Variants in MPP7 observed in about 807,000 individuals in gnomAD.
The protein encoded by MPP7 is MAGUK p55 subfamily member 7.
Under a neutral mutation model 76.5 loss-of-function variants are expected in MPP7, and 60 were observed. The observed-to-expected ratio is 0.78, with a 90% CI of 0.64 to 0.97. MPP7 has a LOEUF of 0.97. MPP7 is among the 50% of genes least tolerant of loss of function. The pLI is 0.00. For synonymous variants in MPP7, 237 were observed against 244.5 expected (o/e 0.97, Z 0.29); for missense variants, 641 against 694.0 (o/e 0.92, Z 0.86).
At chr10:28,262,224 TAC>T (rs1309335222) in intron 1 of MPP7, among the ~76,000 whole-genome samples, 2,018 of 26,188 alleles carry the variant, frequency 0.077, 302 homozygotes, top group East Asian at 0.23. Context: ...TATATATATA[TAC>T]ATATATATAT....
intron 2 of MPP7, among the ~76,000 whole-genome samples, chr10:28,310,639 C>A (rs991172808): frequency 1.3e-5 from 2 of 152,208 alleles, no homozygotes; most frequent in East Asian, 3.9e-4. Context: ...CCTGAAGAGC[C>A]TTTTCAAATT....
At chr10:28,284,104 C>A (rs1031748076) in intron 1 of MPP7, among the ~76,000 whole-genome samples, 2 of 152,110 alleles carry the variant, frequency 1.3e-5, no homozygotes, top group African/African-American at 4.8e-5. Flanking sequence ...CTGAAAACAA[C>A]TGAACAGATC....
intron 13 of MPP7, among the ~76,000 whole-genome samples, chr10:28,063,495 C>T (rs891062512): frequency 1.5e-4 from 23 of 151,490 alleles, no homozygotes; most frequent in Non-Finnish European, 2.7e-4. Context: ...GATTTGAACA[C>T]GCACTTTACC....
intron 2 of MPP7, among the ~76,000 whole-genome samples, chr10:28,220,741 G>C (rs1369143935): frequency 1.3e-5 from 2 of 152,174 alleles, no homozygotes; most frequent in African/African-American, 4.8e-5. Context: ...GTAGTAGAAA[G>C]AGAGGTAGGC....
intron 1 of MPP7, among the ~76,000 whole-genome samples, chr10:28,273,251 G>A (rs1840385352): frequency 6.6e-6 from 1 of 152,240 alleles, no homozygotes; most frequent in South Asian, 2.1e-4. Context: ...AACAGTATTA[G>A]CCAGTATTAA....
At chr10:28,298,708 A>G (rs1841086376) in intron 1 of MPP7, among the ~76,000 whole-genome samples, 2 of 152,220 alleles carry the variant, frequency 1.3e-5, no homozygotes, top group Admixed American at 1.3e-4. Context: ...CCTTCTAGCT[A>G]AGAAAGTCCG....
At position 28,281,121 on chromosome 10, in the gene MPP7, C is replaced by T. The variant is rs187336377; in HGVS notation, c.-132+21740G>A. On this transcript the variant is annotated intron_variant, in intron 1 of 16. Coordinates refer to ENST00000683449, the MANE Select transcript of MPP7 (RefSeq NM_001318170.2). ...TTGAGACAGGGTCTCACTCTGTCAC[C>T]GGGGCTGGAATGCAGTGGTGCAATC... 4.6e-5 allele frequency among the ~76,000 whole-genome samples: 7 copies of T among 151,760 alleles called. No individual in the cohort carries two copies. In the East Asian group the frequency reaches 1.2e-3, roughly 25 times the overall value.
chr10:28,075,571 G>A (rs7091598), intron 12 of MPP7, among the ~76,000 whole-genome samples: 2,270 of 152,104 alleles, frequency 0.015, 57 homozygotes, highest in African/African-American at 0.051. Flanking sequence ...ACGCTGCAGC[G>A]CCATGAAATT....
intron 1 of MPP7, among the ~76,000 whole-genome samples, chr10:28,255,105 T>C (rs1839742542): frequency 6.6e-6 from 1 of 152,202 alleles, no homozygotes; most frequent in African/African-American, 2.4e-5. Context: ...AAACATACTT[T>C]GAAAAAACAA....
intron 1 of MPP7, among the ~76,000 whole-genome samples, chr10:28,261,989 A>C (rs1015976723): frequency 6.6e-6 from 1 of 150,528 alleles, no homozygotes; most frequent in Non-Finnish European, 1.5e-5. Flanking sequence ...ATCTCTACTA[A>C]AAATACAAAA....
At chr10:28,258,222 G>C (rs1355788819) in intron 1 of MPP7, among the ~76,000 whole-genome samples, 1 of 146,576 alleles carries the variant, frequency 6.8e-6, no homozygotes, top group Non-Finnish European at 1.5e-5. Flanking sequence ...TTTTCAAGTA[G>C]AGTCAAGGTG....
chr10:28,084,914 A>G (rs1852931042), intron 12 of MPP7, among the ~76,000 whole-genome samples: 2 of 152,234 alleles, frequency 1.3e-5, no homozygotes, highest in Admixed American at 1.3e-4. Context: ...GAGAGAGGTG[A>G]GCCCACCAAG....
intron 2 of MPP7, chr10:28,203,002 C>T (rs1187583722): frequency 2.0e-5 from 3 of 152,152 alleles, no homozygotes; most frequent in African/African-American, 7.2e-5. Flanking sequence ...CTACATAAAC[C>T]ATCCATCTCC....
intron 2 of MPP7, among the ~76,000 whole-genome samples, chr10:28,207,104 T>G (rs10740786): frequency 0.18 from 27,286 of 152,018 alleles, 3,053 homozygotes; most frequent in East Asian, 0.56. Flanking sequence ...TTGTAAGAAC[T>G]TCAATATAAA....
At chr10:28,306,978 A>G (rs947754443), upstream of MPP7, among the ~76,000 whole-genome samples, 4 of 152,120 alleles carry the variant, frequency 2.6e-5, no homozygotes, top group African/African-American at 9.7e-5. Context: ...AGCTGCACCC[A>G]CAAGGACTAA....
chr10:28,135,473 C>T (rs537028361), intron 5 of MPP7, among the ~76,000 whole-genome samples: 1 of 152,310 alleles, frequency 6.6e-6, no homozygotes, highest in East Asian at 1.9e-4. Flanking sequence ...ATGTTACTGC[C>T]ATCTACTGTA....
At chr10:28,270,187 G>A (rs903504255) in intron 1 of MPP7, among the ~76,000 whole-genome samples, 8 of 152,254 alleles carry the variant, frequency 5.3e-5, no homozygotes, top group South Asian at 2.1e-4. Flanking sequence ...CAGTCCTTAC[G>A]GAACGGGAAG....
chr10:28,143,194 G>A (rs1835583130), intron 5 of MPP7, among the ~76,000 whole-genome samples: 1 of 152,134 alleles, frequency 6.6e-6, no homozygotes, highest in Non-Finnish European at 1.5e-5. Flanking sequence ...AGAAAGGGTT[G>A]AAAGGTAATG....
intron 1 of MPP7, among the ~76,000 whole-genome samples, chr10:28,286,686 T>C (rs1453799393): frequency 6.6e-6 from 1 of 152,032 alleles, no homozygotes; most frequent in Non-Finnish European, 1.5e-5. Flanking sequence ...ACAACTTTCA[T>C]AGGCTGACAG....
Sources: gnomAD v4.1 joint callset for allele counts (sites outside exome capture counted in the v4.1 genomes callset) on GRCh38, gnomAD v4.1.1 for gene constraint, MANE v1.5 for transcripts, NCBI Gene and HGNC (gene_info 2026-07-23, HGNC 2026-07-21) for gene names.